ADAM18: variants seen among roughly 807,000 people sequenced by gnomAD.
ADAM18 encodes ADAM metallopeptidase domain 18.
ADAM18 carries 117 observed loss-of-function variants against 94.4 expected under a neutral mutation model. The ratio of observed to expected loss-of-function variants is 1.24; its 90% confidence interval spans 1.07 to 1.45. The LOEUF (loss-of-function observed/expected upper bound fraction) is 1.45. ADAM18 is among the 40% of genes most tolerant of loss of function. The pLI, the probability that ADAM18 is intolerant of heterozygous loss-of-function variation, is 0.00. For synonymous variants in ADAM18, 327 were observed against 291.6 expected (o/e 1.12, Z -1.24); for missense variants, 936 against 880.0 (o/e 1.06, Z -0.81).
chr8:39,596,103 C>T (rs1818733709), intron 2 of ADAM18, among the ~76,000 whole-genome samples: 1 of 152,130 alleles, frequency 6.6e-6, no homozygotes, highest in African/African-American at 2.4e-5. Context: ...AGTACAGAAT[C>T]TTTCAGCTTA....
At chr8:39,613,233 A>G (rs1385164503) in intron 6 of ADAM18, among the ~76,000 whole-genome samples, 1 of 152,148 alleles carries the variant, frequency 6.6e-6, no homozygotes, top group Non-Finnish European at 1.5e-5. Flanking sequence ...CCCCAAATGG[A>G]ATATTGTTGC....
At chr8:39,712,942 TA>T (rs1480764527) in intron 18 of ADAM18, among the ~76,000 whole-genome samples, 1 of 152,156 alleles carries the variant, frequency 6.6e-6, no homozygotes, top group Non-Finnish European at 1.5e-5. Context: ...AAAACTACTT[TA>T]AATTTCATAT....
intron 12 of ADAM18, among the ~76,000 whole-genome samples, chr8:39,663,524 C>T (rs2129580076): frequency 7.3e-6 from 1 of 136,234 alleles, no homozygotes; most frequent in African/African-American, 2.8e-5. Flanking sequence ...ACTTGGATCT[C>T]ACTGGTTGAG....
chr8:39,606,042 T>C (rs927155019), intron 2 of ADAM18, among the ~76,000 whole-genome samples: 1 of 152,198 alleles, frequency 6.6e-6, no homozygotes, highest in South Asian at 2.1e-4. Flanking sequence ...AATTCCTTTC[T>C]TTTTATGGCT....
intron 14 of ADAM18, among the ~76,000 whole-genome samples, chr8:39,675,611 G>A (rs1207519661): frequency 6.6e-6 from 1 of 152,180 alleles, no homozygotes; most frequent in African/African-American, 2.4e-5. Context: ...CCAACCTTCT[G>A]AAGCTTACTT....
At chr8:39,689,042 C>T (rs928775743) in intron 16 of ADAM18, among the ~76,000 whole-genome samples, 4 of 151,932 alleles carry the variant, frequency 2.6e-5, no homozygotes, top group Middle Eastern at 3.2e-3. Context: ...GTTCTTTGGC[C>T]ACTTTTTAAT....
chr8:39,618,835 C>G (rs373129452), intron 6 of ADAM18, among the ~76,000 whole-genome samples: 13 of 152,316 alleles, frequency 8.5e-5, no homozygotes, highest in African/African-American at 3.1e-4. Flanking sequence ...ACCTCCCTGA[C>G]TGCACGTTCA....
chr8:39,632,776 G>A (rs1819965116), intron 7 of ADAM18, among the ~76,000 whole-genome samples: 1 of 152,052 alleles, frequency 6.6e-6, no homozygotes, highest in Admixed American at 6.6e-5. Context: ...AAACCCTGTA[G>A]ACCTTAAGTT....
chr8:39,694,988 C>T (rs1229947754), intron 17 of ADAM18, among the ~76,000 whole-genome samples: 1 of 151,410 alleles, frequency 6.6e-6, no homozygotes, highest in East Asian at 1.9e-4. Flanking sequence ...CTCCTAGAAA[C>T]CCATGAACTT....
intron 2 of ADAM18, among the ~76,000 whole-genome samples, chr8:39,595,276 A>G (rs1026372933): frequency 5.3e-5 from 8 of 152,122 alleles, no homozygotes; most frequent in African/African-American, 1.7e-4. Context: ...TGAATAGGTG[A>G]AGCACAGGGC....
chr8:39,675,441 C>T (rs1044306902), intron 14 of ADAM18, among the ~76,000 whole-genome samples: 2 of 152,164 alleles, frequency 1.3e-5, no homozygotes, highest in Non-Finnish European at 2.9e-5. Context: ...GCATGCCTCA[C>T]GAAGTTCTCG....
At chr8:39,595,083 A>T (rs949134763) in intron 2 of ADAM18, among the ~76,000 whole-genome samples, 2 of 151,848 alleles carry the variant, frequency 1.3e-5, no homozygotes, top group African/African-American at 2.4e-5. Flanking sequence ...TGCATTTTTT[A>T]TCATTTCCTC....
intron 11 of ADAM18, among the ~76,000 whole-genome samples, chr8:39,647,445 T>G (rs1333819841): frequency 6.6e-6 from 1 of 152,172 alleles, no homozygotes; most frequent in East Asian, 1.9e-4. Context: ...ATTGAACAAA[T>G]GTACAATCGG....
chr8:39,712,145 C>T (rs1449294528), intron 18 of ADAM18, among the ~76,000 whole-genome samples: 1 of 150,792 alleles, frequency 6.6e-6, no homozygotes, highest in Non-Finnish European at 1.5e-5. Context: ...TATCAATAAT[C>T]ACGTTCAATG....
intron 18 of ADAM18, among the ~76,000 whole-genome samples, chr8:39,715,991 C>T (rs567680793): frequency 1.3e-5 from 2 of 152,056 alleles, no homozygotes; most frequent in South Asian, 2.1e-4. Context: ...TTCACGAGGA[C>T]GGGAAACTAC....
rs570682484 is a variant in ADAM18 at position 39,668,138 on chromosome 8, T to C, written c.1467T>C (p.Tyr489=). The stretch of plus-strand genomic sequence containing the variant: ...GTTTGTGCAAGTTGGGAACTGCCTA[T>C]TGCTATAACGGACAATGTCAAACTA... ...NGRLCKLGTA[Y]CYNGQCQTTD... is the part of the protein sequence containing the mutation. Residue 489 remains tyrosine (Y), a synonymous_variant, in exon 14 of 20, where the codon TAT becomes TAC. Transcript: ENST00000265707. 2.5e-6 allele frequency: 4 copies of C among 1,614,068 alleles called. No individual in the cohort carries two copies. The highest frequency in any genetic ancestry group is 1.3e-5 in the African/African-American group (1 of 75,010).
Position 39,591,896 on chromosome 8 carries a change from C to A in ADAM18, c.132+6544C>A, listed in dbSNP as rs891573574. Among the ~76,000 whole-genome samples the A allele has an allele frequency of 2.6e-5, 4 of 152,206 alleles. No homozygotes were observed. In the South Asian group the frequency reaches 8.3e-4, roughly 32 times the overall value. ...TCAAAATAGCTCCTTGACTGGGCTGCAGAATGGACGCTGTGTTCGCAGGCA... is the reference window on the plus strand; with the variant it reads ...TCAAAATAGCTCCTTGACTGGGCTGAAGAATGGACGCTGTGTTCGCAGGCA... On this transcript the variant is annotated intron_variant, in intron 2 of 19. Coordinates refer to ENST00000265707, the MANE Select transcript of ADAM18 (RefSeq NM_014237.3).
chr8:39,631,144 G>A (rs754924037), intron 7 of ADAM18, among the ~76,000 whole-genome samples: 8 of 151,864 alleles, frequency 5.3e-5, no homozygotes, highest in South Asian at 2.1e-4. Flanking sequence ...CTATTTTCTC[G>A]TAGTCTGTGG....
intron 2 of ADAM18, among the ~76,000 whole-genome samples, chr8:39,586,615 T>G (rs10099250): frequency 0.58 from 88,172 of 151,950 alleles, 27,213 homozygotes; most frequent in Non-Finnish European, 0.7. Context: ...TAGTCCCAGC[T>G]GTTCTGGAGG....
Sources: gnomAD v4.1 joint callset for allele counts (sites outside exome capture counted in the v4.1 genomes callset) on GRCh38, gnomAD v4.1.1 for gene constraint, MANE v1.5 for transcripts, NCBI Gene and HGNC (gene_info 2026-07-23, HGNC 2026-07-21) for gene names.